Variants in SSBP2 observed in about 807,000 individuals in gnomAD.
The protein encoded by SSBP2 is single-stranded DNA-binding protein 2.
In SSBP2, 17 loss-of-function variants were observed where a neutral mutation model predicts 61.8. The ratio of observed to expected loss-of-function variants is 0.28; its 90% CI spans 0.19 to 0.41. The LOEUF is 0.41. Among genes scored for constraint, SSBP2 ranks in the 10% least tolerant of loss-of-function variants. The pLI is 1.00. For synonymous variants in SSBP2, 139 were observed against 141.3 expected (o/e 0.98, Z 0.12); for missense variants, 310 against 458.7 (o/e 0.68, Z 2.96).
chr5:81,675,560 T>C (rs1751906603), intron 1 of SSBP2, among the ~76,000 whole-genome samples: 1 of 152,298 alleles, frequency 6.6e-6, no homozygotes, highest in South Asian at 2.1e-4. Flanking sequence ...TTCTCAACCT[T>C]CAAACTTCAT....
chr5:81,669,572 T>C (rs1441389710), intron 1 of SSBP2, among the ~76,000 whole-genome samples: 5 of 152,116 alleles, frequency 3.3e-5, no homozygotes, highest in Middle Eastern at 6.3e-3. Flanking sequence ...AAACGCCACA[T>C]GTTCTCACTC....
intron 1 of SSBP2, among the ~76,000 whole-genome samples, chr5:81,706,850 T>A (rs528393391): frequency 1.3e-5 from 2 of 152,230 alleles, no homozygotes; most frequent in South Asian, 2.1e-4. Flanking sequence ...TCTGCTGAAG[T>A]CCTCTAGGGA....
intron 10 of SSBP2, among the ~76,000 whole-genome samples, chr5:81,459,333 T>A (rs1764382707): frequency 6.6e-6 from 1 of 152,286 alleles, no homozygotes; most frequent in African/African-American, 2.4e-5. Flanking sequence ...TCCTTGTCAA[T>A]ATCAACCGCT....
At chr5:81,559,861 A>G (rs1208938235) in intron 4 of SSBP2, among the ~76,000 whole-genome samples, 1 of 152,158 alleles carries the variant, frequency 6.6e-6, no homozygotes, top group African/African-American at 2.4e-5. Flanking sequence ...CTATTCTGAT[A>G]GAGTATTACA....
At chr5:81,703,815 C>T (rs894380992) in intron 1 of SSBP2, among the ~76,000 whole-genome samples, 12 of 151,828 alleles carry the variant, frequency 7.9e-5, no homozygotes, top group African/African-American at 1.5e-4. Flanking sequence ...TTTTTAAATG[C>T]GCAGATCCAA....
intron 4 of SSBP2, among the ~76,000 whole-genome samples, chr5:81,614,149 A>G (rs948445481): frequency 6.6e-6 from 1 of 152,080 alleles, no homozygotes; most frequent in African/African-American, 2.4e-5. Context: ...TCACGAGGTC[A>G]GGAGATCGAG....
At chr5:81,549,800 G>A (rs1439602538) in intron 4 of SSBP2, among the ~76,000 whole-genome samples, 1 of 152,112 alleles carries the variant, frequency 6.6e-6, no homozygotes, top group African/African-American at 2.4e-5. Flanking sequence ...GTAAGCATAG[G>A]CTCTTGAAAC....
At chr5:81,722,397 G>GTT (rs202149161) in intron 1 of SSBP2, among the ~76,000 whole-genome samples, 49,257 of 136,168 alleles carry the variant, frequency 0.36, 10,178 homozygotes, top group Admixed American at 0.49. Flanking sequence ...GTATAATTTT[G>GTT]TTTTTTTTTT....
At chr5:81,697,200 T>C (rs1198401930) in intron 1 of SSBP2, among the ~76,000 whole-genome samples, 1 of 152,248 alleles carries the variant, frequency 6.6e-6, no homozygotes, top group African/African-American at 2.4e-5. Context: ...ACATCATCTT[T>C]CACTGGTTTC....
At chr5:81,484,040 A>G (rs1180617597) in intron 6 of SSBP2, among the ~76,000 whole-genome samples, 1 of 152,160 alleles carries the variant, frequency 6.6e-6, no homozygotes, top group African/African-American at 2.4e-5. Flanking sequence ...GCTCCACAAG[A>G]GAGATTTTCA....
chr5:81,588,936 T>G (rs11744821), intron 4 of SSBP2, among the ~76,000 whole-genome samples: 3 of 152,218 alleles, frequency 2.0e-5, no homozygotes, highest in Admixed American at 2.0e-4. Flanking sequence ...TGTTGGCACA[T>G]GCCTGTAGTC....
At chr5:81,687,988 A>G (rs1752944662) in intron 1 of SSBP2, among the ~76,000 whole-genome samples, 1 of 152,140 alleles carries the variant, frequency 6.6e-6, no homozygotes, top group African/African-American at 2.4e-5. Flanking sequence ...GGAAGACAAA[A>G]GGGTACTTTG....
intron 1 of SSBP2, among the ~76,000 whole-genome samples, chr5:81,750,151 T>C (rs1757631449): frequency 6.6e-6 from 1 of 151,534 alleles, no homozygotes; most frequent in African/African-American, 2.4e-5. Flanking sequence ...CTCCAGCGGA[T>C]CCCGCTCCTC....
chr5:81,712,607 C>CAAAAAAA lies in SSBP2; in HGVS notation c.62+38367_62+38373dup, dbSNP rs554036646. 1.5e-3 allele frequency among the ~76,000 whole-genome samples: 11 copies of CAAAAAAA among 7,538 alleles called. 2 individuals carry two copies. Among genetic ancestry groups the CAAAAAAA allele is most frequent in the African/African-American group, 7.7e-3 (10 of 1,294 alleles). The allele number at this position is 7,538 out of a possible 152,430, so 4.9% of individuals were successfully genotyped here. A position where few individuals can be genotyped will look rare whatever the true frequency, so the allele number is the denominator to read the frequency against. ...TGGGCGACAGAGCGAGACTCCGTCT[C>CAAAAAAA]AAAAAAAAAAAAAAAAATAAAGATT... is the stretch of plus-strand genomic sequence containing the variant. On this transcript the variant is annotated intron_variant, in intron 1 of 16. Transcript: ENST00000320672.
intron 4 of SSBP2, among the ~76,000 whole-genome samples, chr5:81,554,430 A>G (rs1772439484): frequency 6.6e-6 from 1 of 150,726 alleles, no homozygotes. Context: ...TTTTAAATAT[A>G]TAATTATATT....
chr5:81,703,816 G>A (rs561113516), intron 1 of SSBP2, among the ~76,000 whole-genome samples: 7 of 151,720 alleles, frequency 4.6e-5, no homozygotes, highest in Admixed American at 1.3e-4. Context: ...TTTTAAATGC[G>A]CAGATCCAAA....
At chr5:81,564,173 T>C (rs1773259648) in intron 4 of SSBP2, among the ~76,000 whole-genome samples, 1 of 151,960 alleles carries the variant, frequency 6.6e-6, no homozygotes, top group Non-Finnish European at 1.5e-5. Flanking sequence ...ATCAGGAAAA[T>C]ACAAATCAAT....
At chr5:81,505,979 A>G (rs1768151617) in intron 5 of SSBP2, among the ~76,000 whole-genome samples, 1 of 152,194 alleles carries the variant, frequency 6.6e-6, no homozygotes, top group South Asian at 2.1e-4. Flanking sequence ...CTGTCCATCC[A>G]GTTACTGCTG....
At chr5:81,530,070 A>C (rs1398795129) in intron 4 of SSBP2, among the ~76,000 whole-genome samples, 1 of 152,030 alleles carries the variant, frequency 6.6e-6, no homozygotes, top group Non-Finnish European at 1.5e-5. Flanking sequence ...AAGAGAAATG[A>C]TCAAGCCGGG....
Sources: allele counts gnomAD v4.1 joint callset (sites outside exome capture counted in the v4.1 genomes callset), GRCh38; gene constraint gnomAD v4.1.1; transcripts MANE v1.5; gene names NCBI Gene and HGNC (gene_info 2026-07-23, HGNC 2026-07-21).